ANKRD36B: variants seen among roughly 807,000 people sequenced by gnomAD.
The protein encoded by ANKRD36B is ankyrin repeat domain 36B.
In ANKRD36B, 37 loss-of-function variants were observed where a neutral mutation model predicts 135.7. That is an observed-to-expected ratio of 0.27 (90% CI 0.21 to 0.36). ANKRD36B has a LOEUF of 0.36. ANKRD36B is among the 10% of genes least tolerant of loss of function. ANKRD36B has a pLI of 1.00. For missense variants in ANKRD36B, 549 were observed against 1,037.1 expected (o/e 0.53, Z 6.46); for synonymous variants, 179 against 348.1 (o/e 0.51, Z 5.41).
chr2:97,537,685 C>G lies in ANKRD36B; in HGVS notation c.2089+483G>C, dbSNP rs1449728267. On this transcript the variant is annotated intron_variant, in intron 32 of 43. Coordinates refer to ENST00000359901, the MANE Select transcript of ANKRD36B (RefSeq NM_001393939.1). Reference sequence around the variant, plus strand: ...AAATAACTTCTTCCTTCCCCTCTTTCTTGCCTTGCAATCCCTCTCTTGATG... The same window carrying G: ...AAATAACTTCTTCCTTCCCCTCTTTGTTGCCTTGCAATCCCTCTCTTGATG... Among the ~76,000 whole-genome samples, 4 of 96,290 alleles carry G rather than the reference C, an allele frequency of 4.2e-5. 1 individual carries two copies. The highest frequency in any genetic ancestry group is 3.7e-4 in the Admixed American group (4 of 10,742). The allele number at this position is 96,290 out of a possible 152,430, so 63.2% of individuals were successfully genotyped here.
At chr2:97,575,543 G>A (rs965937018) in intron 6 of ANKRD36B, among the ~76,000 whole-genome samples, 3 of 149,006 alleles carry the variant, frequency 2.0e-5, no homozygotes, top group African/African-American at 7.4e-5. Flanking sequence ...CATATTAACT[G>A]TACCTCTTTT....
chr2:97,559,422 G>A (rs2080827746), intron 8 of ANKRD36B, among the ~76,000 whole-genome samples: 1 of 151,650 alleles, frequency 6.6e-6, no homozygotes, highest in Non-Finnish European at 1.5e-5. Flanking sequence ...CCTTTAACTT[G>A]CCCAATAACT....
At chr2:97,570,538 C>A (rs1034339616) in intron 6 of ANKRD36B, among the ~76,000 whole-genome samples, 14 of 152,290 alleles carry the variant, frequency 9.2e-5, no homozygotes, top group South Asian at 6.2e-4. Context: ...TGTGAGACAG[C>A]ATGCCTATGT....
intron 5 of ANKRD36B, among the ~76,000 whole-genome samples, chr2:97,577,200 A>G (rs1188830579): frequency 6.8e-6 from 1 of 145,990 alleles, no homozygotes; most frequent in Non-Finnish European, 1.5e-5. Flanking sequence ...TTACTTCTCT[A>G]CAGACTCTAA....
intron 1 of ANKRD36B, among the ~76,000 whole-genome samples, chr2:97,587,222 AT>A (rs1335082403): frequency 2.6e-5 from 4 of 152,046 alleles, no homozygotes; most frequent in Admixed American, 6.6e-5. Flanking sequence ...GAAACTGAGA[AT>A]TTTTTTTCTT....
intron 30 of ANKRD36B, 192 bp downstream of exon 30, chr2:97,539,842 A>T: frequency 3.3e-6 from 1 of 300,376 alleles, no homozygotes. Flanking sequence ...GAAGTCTATA[A>T]TCTTACTTCG....
At chr2:97,562,815 T>C (rs377381093) in intron 6 of ANKRD36B, among the ~76,000 whole-genome samples, 7 of 152,184 alleles carry the variant, frequency 4.6e-5, no homozygotes, top group African/African-American at 1.4e-4. Flanking sequence ...ACTTGACTAA[T>C]GTGTACAAAT....
chr2:97,576,698 C>CT (rs2082258636), intron 5 of ANKRD36B, among the ~76,000 whole-genome samples: 1 of 151,188 alleles, frequency 6.6e-6, no homozygotes, highest in Non-Finnish European at 1.5e-5. Context: ...GGAAAGTCAC[C>CT]TTCCTGGCTC....
intron 6 of ANKRD36B, among the ~76,000 whole-genome samples, chr2:97,569,806 C>A (rs2081712092): frequency 6.6e-6 from 1 of 152,006 alleles, no homozygotes; most frequent in South Asian, 2.1e-4. Flanking sequence ...TATATTATAG[C>A]AAGACGTACT....
Position 97,555,058 on chromosome 2 carries a change from A to G in ANKRD36B, c.1171+2T>C, listed in dbSNP as rs1277555683. 2 of 1,611,584 alleles carry G rather than the reference A, an allele frequency of 1.2e-6. No individual in the cohort carries two copies. Among genetic ancestry groups the G allele is most frequent in the Non-Finnish European group, 1.7e-6 (2 of 1,178,574 alleles). On this transcript the variant is annotated splice_donor_variant, in intron 14 of 43. Transcript: ENST00000359901. LOFTEE classifies it high-confidence loss of function. Reference sequence around the variant, plus strand: ...GACATTAAATGTGTTTTGCAAAATTACCTGTCCCACATTGTAGTCCATCCT... The same window carrying G: ...GACATTAAATGTGTTTTGCAAAATTGCCTGTCCCACATTGTAGTCCATCCT...
At chr2:97,568,425 C>T (rs1228364795) in intron 6 of ANKRD36B, among the ~76,000 whole-genome samples, 1 of 152,070 alleles carries the variant, frequency 6.6e-6, no homozygotes, top group South Asian at 2.1e-4. Context: ...TTTTCAGCTG[C>T]CAATGCAGAA....
chr2:97,582,949 A>C (rs539108739), intron 3 of ANKRD36B, among the ~76,000 whole-genome samples: 1 of 152,100 alleles, frequency 6.6e-6, no homozygotes, highest in Non-Finnish European at 1.5e-5. Flanking sequence ...AATAATATTA[A>C]ATTATAATTC....
chr2:97,581,834 G>A (rs1462723861), intron 3 of ANKRD36B, among the ~76,000 whole-genome samples: 11 of 151,800 alleles, frequency 7.2e-5, no homozygotes, highest in Admixed American at 3.3e-4. Flanking sequence ...ATGGAGTCTC[G>A]CTCTGTCACC....
At chr2:97,556,407 T>C (rs1450796610) in intron 12 of ANKRD36B, among the ~76,000 whole-genome samples, 5 of 151,738 alleles carry the variant, frequency 3.3e-5, no homozygotes, top group Non-Finnish European at 7.4e-5. Flanking sequence ...TTCACTCAGG[T>C]TTCCTCAGCA....
intron 1 of ANKRD36B, among the ~76,000 whole-genome samples, chr2:97,588,013 CT>C (rs565160943): frequency 0.01 from 1,536 of 150,786 alleles, 27 homozygotes; most frequent in African/African-American, 0.035. Context: ...CACATATTGT[CT>C]TTTGTTAATT....
Position 97,536,437 on chromosome 2 carries a change from T to A in ANKRD36B, c.2118+31A>T, listed in dbSNP as rs1387921410. ...ATATTGGTATAGGTTATGCAGTTAA[T>A]AATTAAAAATATAAATGTAAGAGTA... On this transcript the variant is annotated intron_variant, in intron 33 of 43. Transcript: ENST00000359901. 6.8e-6 allele frequency: 6 copies of A among 887,250 alleles called. 2 individuals are homozygous for A. The Admixed American group carries it at 9.7e-5, about 14-fold the overall frequency. The allele number at this position is 887,250 out of a possible 1,614,324, so 55.0% of individuals were successfully genotyped here.
intron 1 of ANKRD36B, among the ~76,000 whole-genome samples, chr2:97,587,005 C>T (rs1386087147): frequency 6.6e-6 from 1 of 152,108 alleles, no homozygotes; most frequent in East Asian, 1.9e-4. Context: ...GAAACCCCGT[C>T]TTTACTAAAA....
intron 8 of ANKRD36B, among the ~76,000 whole-genome samples, chr2:97,559,937 G>GTTTATC (rs1474963631): frequency 6.6e-6 from 1 of 151,872 alleles, no homozygotes; most frequent in African/African-American, 2.4e-5. Context: ...TCATATGCAA[G>GTTTATC]TTTATCTCAT....
intron 14 of ANKRD36B, 42 bp from the exon 15 acceptor site, chr2:97,553,413 T>A: frequency 6.3e-7 from 1 of 1,586,296 alleles, no homozygotes; most frequent in Non-Finnish European, 8.6e-7. Flanking sequence ...TATGTAAATA[T>A]GATACATTTT....
Sources: allele counts gnomAD v4.1 joint callset (sites outside exome capture counted in the v4.1 genomes callset), GRCh38; gene constraint gnomAD v4.1.1; transcripts MANE v1.5; gene names NCBI Gene and HGNC (gene_info 2026-07-23, HGNC 2026-07-21).